The following AFF2 variants were observed in gnomAD, a reference collection of about 807,000 sequenced individuals.
AFF2 encodes ALF transcription elongation factor 2.
In AFF2, 14 loss-of-function variants were observed where a neutral mutation model predicts 76.9. The ratio of observed to expected loss-of-function variants is 0.18; its 90% CI spans 0.12 to 0.28. The LOEUF (loss-of-function observed/expected upper bound fraction) is 0.28. AFF2 is among the 10% of genes least tolerant of loss of function. AFF2 has a pLI of 1.00. For missense variants in AFF2, 868 were observed against 1,001.1 expected (o/e 0.87, Z 1.79); for synonymous variants, 398 against 366.7 (o/e 1.09, Z -0.98).
chrX:148,937,948 G>A (rs2071792071), intron 9 of AFF2, among the ~76,000 whole-genome samples: 2 of 112,327 alleles, frequency 1.8e-5, no homozygotes, highest in African/African-American at 6.5e-5. Flanking sequence ...CCAACCGCTG[G>A]TAACTAAGCA....
intron 9 of AFF2, 149 bp downstream of exon 9, chrX:148,904,407 C>A: frequency 4.7e-6 from 2 of 422,252 alleles, no homozygotes; most frequent in South Asian, 7.4e-5. Context: ...CAAAAAAATC[C>A]TCCAATGAGC....
intron 1 of AFF2, among the ~76,000 whole-genome samples, chrX:148,615,571 A>G (rs1557250211): frequency 1.8e-5 from 2 of 108,937 alleles, no homozygotes; most frequent in African/African-American, 3.6e-5. Flanking sequence ...AAGGAGATAG[A>G]TATATTTATT....
intron 12 of AFF2, among the ~76,000 whole-genome samples, chrX:148,961,970 T>A: frequency 8.9e-6 from 1 of 112,850 alleles, no homozygotes; most frequent in East Asian, 2.8e-4. Context: ...AGTCTCAGAC[T>A]ATTTGGTGGT....
intron 3 of AFF2, among the ~76,000 whole-genome samples, chrX:148,747,525 G>T (rs1008146799): frequency 9.9e-5 from 11 of 111,667 alleles, no homozygotes; most frequent in African/African-American, 3.6e-4. Context: ...GAAAGTTTTT[G>T]GTTTTTGATT....
intron 1 of AFF2, among the ~76,000 whole-genome samples, chrX:148,563,576 G>A (rs897529823): frequency 8.9e-6 from 1 of 111,828 alleles, no homozygotes; most frequent in Admixed American, 9.5e-5. Context: ...GTGTTGAGCG[G>A]CCAAGAGGAT....
intron 3 of AFF2, among the ~76,000 whole-genome samples, chrX:148,770,477 T>C (rs2069573352): frequency 8.9e-6 from 1 of 111,946 alleles, no homozygotes; most frequent in Admixed American, 9.5e-5. Flanking sequence ...GGGGGTATCA[T>C]TCCAAGAGCA....
chrX:148,685,617 A>T (rs1223152810), intron 3 of AFF2, among the ~76,000 whole-genome samples: 3 of 111,779 alleles, frequency 2.7e-5, no homozygotes, highest in African/African-American at 9.8e-5. Flanking sequence ...TCTTATACAT[A>T]ATAAACAACA....
In AFF2 at chrX:148,995,105, T is replaced by C. The variant is rs1380885557; in HGVS notation, c.*3773T>C. 8.9e-6 allele frequency: 1 copy of C among 112,267 alleles called. No homozygotes were observed. Among genetic ancestry groups the C allele is most frequent in the Non-Finnish European group, 1.9e-5 (1 of 53,193 alleles). The allele number at this position is 112,267 out of a possible 1,213,427, so 9.3% of individuals were successfully genotyped here. On this transcript the variant is annotated 3_prime_UTR_variant, in exon 21 of 21. Transcript: ENST00000370460. ...ATTATTGAGCCAGTTGTCAGTGTTC[T>C]GTTACATGACTGGCAGACTAAATTC...
At chrX:148,642,590 G>A (rs1194810724) in intron 1 of AFF2, among the ~76,000 whole-genome samples, 1 of 111,800 alleles carries the variant, frequency 8.9e-6, no homozygotes, top group Non-Finnish European at 1.9e-5. Flanking sequence ...TGTGTAAGTT[G>A]GCTGCAGAAG....
chrX:148,860,680 T>C (rs2070837612), intron 7 of AFF2, among the ~76,000 whole-genome samples: 1 of 112,103 alleles, frequency 8.9e-6, no homozygotes, highest in Admixed American at 9.5e-5. Flanking sequence ...ATGTGTTTAA[T>C]CTTTGTTAGG....
At chrX:148,589,192 C>T (rs1372013082) in intron 1 of AFF2, among the ~76,000 whole-genome samples, 5 of 110,997 alleles carry the variant, frequency 4.5e-5, no homozygotes, top group South Asian at 3.9e-4. Context: ...ACTGATGCCA[C>T]GGACGTTAAT....
chrX:148,965,757 A>G (rs1446139588), intron 13 of AFF2, among the ~76,000 whole-genome samples: 1 of 112,161 alleles, frequency 8.9e-6, no homozygotes, highest in Non-Finnish European at 1.9e-5. Flanking sequence ...TTTGGGTGTT[A>G]CCTACCTACT....
At chrX:148,744,523 G>A (rs1279537281) in intron 3 of AFF2, among the ~76,000 whole-genome samples, 10 of 111,281 alleles carry the variant, frequency 9.0e-5, no homozygotes, top group East Asian at 8.5e-4. Flanking sequence ...AGAGTTTTGC[G>A]CCTTGTTTTC....
At chrX:148,734,393 T>C (rs1557264931) in intron 3 of AFF2, among the ~76,000 whole-genome samples, 1 of 111,883 alleles carries the variant, frequency 8.9e-6, no homozygotes, top group East Asian at 2.8e-4. Context: ...TGAACAATAC[T>C]ATGAAGCTAG....
chrX:148,526,138 A>G (rs1364255711), intron 1 of AFF2, among the ~76,000 whole-genome samples: 3 of 111,826 alleles, frequency 2.7e-5, no homozygotes, highest in Non-Finnish European at 1.9e-5. Flanking sequence ...TTGGCACTCC[A>G]CTATAAGAAA....
At chrX:148,943,852 G>A (rs1006174674) in intron 9 of AFF2, among the ~76,000 whole-genome samples, 7 of 111,835 alleles carry the variant, frequency 6.3e-5, no homozygotes, top group Non-Finnish European at 1.1e-4. Flanking sequence ...AAAGCCTCTG[G>A]TCTTAGAAGC....
At chrX:148,793,594 A>G (rs910008197) in intron 3 of AFF2, among the ~76,000 whole-genome samples, 1 of 111,845 alleles carries the variant, frequency 8.9e-6, no homozygotes, top group Admixed American at 9.5e-5. Flanking sequence ...GAGTTGCTGA[A>G]TTAAATCGTA....
chrX:148,608,923 A>AGGAGAG (rs2053700512), intron 1 of AFF2, among the ~76,000 whole-genome samples: 2 of 111,821 alleles, frequency 1.8e-5, no homozygotes, highest in South Asian at 7.5e-4. Flanking sequence ...TTTCCATTAA[A>AGGAGAG]GGAGAGTGGC....
intron 3 of AFF2, among the ~76,000 whole-genome samples, chrX:148,688,994 G>GT (rs1187347101): frequency 2.7e-5 from 3 of 112,233 alleles, no homozygotes; most frequent in Admixed American, 9.4e-5. Flanking sequence ...GTATTAGTTT[G>GT]TTAGGTTGGC....
Sources: gnomAD v4.1 joint callset for allele counts (sites outside exome capture counted in the v4.1 genomes callset) on GRCh38, gnomAD v4.1.1 for gene constraint, MANE v1.5 for transcripts, NCBI Gene and HGNC (gene_info 2026-07-23, HGNC 2026-07-21) for gene names.